Variants in PPP2R5C observed in about 807,000 individuals in gnomAD.
PPP2R5C encodes serine/threonine-protein phosphatase 2A 56 kDa regulatory subunit gamma isoform.
Under a neutral mutation model 68.9 loss-of-function variants are expected in PPP2R5C, and 7 were observed. The ratio of observed to expected loss-of-function variants is 0.10; its 90% CI spans 0.06 to 0.19. The LOEUF (loss-of-function observed/expected upper bound fraction) is 0.19, where lower values mean the gene tolerates loss of function less well. PPP2R5C is among the 10% of genes least tolerant of loss of function. The pLI is 1.00. For synonymous variants in PPP2R5C, 210 were observed against 222.2 expected, an observed-to-expected ratio of 0.95 and a Z score of 0.49; for missense variants, 348 against 641.3, an observed-to-expected ratio of 0.54 and a Z score of 4.94.
rs2046676468 is a variant in PPP2R5C at position 101,916,466 on chromosome 14, C to T, written c.1327-1365C>T. Among the ~76,000 whole-genome samples, 1 of 152,120 alleles carries T rather than the reference C, an allele frequency of 6.6e-6. No individual in the cohort carries two copies. Among genetic ancestry groups the T allele is most frequent in the African/African-American group, 2.4e-5 (1 of 41,416 alleles). On this transcript the variant is annotated intron_variant, in intron 12 of 13. Coordinates refer to ENST00000334743, the Ensembl canonical transcript of PPP2R5C. This position sits in a 1 kb window ranked among gnomAD's most constrained non-coding sequence, Gnocchi z 5.5. ...CCCACAGAGGAAGGAGCCCAAGGCA[C>T]CTGGAGGAGAGGCTGGGGTCACAGA...
In PPP2R5C at chr14:101,781,199, C is replaced by G. The variant is rs956132733; in HGVS notation, c.94-4819C>G. On this transcript the variant is annotated intron_variant, in intron 2 of 14. Transcript: ENST00000328724. The surrounding 1 kb of genome is among the most constrained non-coding windows in gnomAD (Gnocchi z 6.4). Reference sequence around the variant, plus strand: ...GGCAGGGTCCCCACCGGGCTGTCCACGAACCAGCGAACCAGCGGTGTTGGT... The same window carrying G: ...GGCAGGGTCCCCACCGGGCTGTCCAGGAACCAGCGAACCAGCGGTGTTGGT... 1.3e-5 allele frequency among the ~76,000 whole-genome samples: 2 copies of G among 152,196 alleles called. No homozygotes were observed. The highest frequency in any genetic ancestry group is 4.8e-5 in the African/African-American group (2 of 41,450).
In PPP2R5C at chr14:101,883,583, G is replaced by A. The variant is rs201276201; in HGVS notation, c.629+21G>A. On this transcript the variant is annotated intron_variant, in intron 5 of 13. Coordinates refer to ENST00000334743, the Ensembl canonical transcript of PPP2R5C. ...TATAGGTAAGTCACGTGTGGATGGC[G>A]TTGTCCTTGTGTGTGGTGATGCTCA... The A allele has an allele frequency of 3.4e-5, 55 of 1,609,674 alleles. No individual in the cohort carries two copies. In the African/African-American group the frequency reaches 4.8e-4, roughly 14 times the overall value.
rs1443581079 is a variant in PPP2R5C at position 101,797,221 on chromosome 14, A to G, written c.259+11038A>G. 2.2e-6 allele frequency: 1 copy of G among 455,950 alleles called. No individual in the cohort carries two copies. Among genetic ancestry groups the G allele is most frequent in the Non-Finnish European group, 4.4e-6 (1 of 226,778 alleles). The allele number at this position is 455,950 out of a possible 1,614,324, so 28.2% of individuals were successfully genotyped here. On this transcript the variant is annotated intron_variant, in intron 3 of 14. Coordinates refer to the PPP2R5C transcript ENST00000328724. The surrounding 1 kb of genome is among the most constrained non-coding windows in gnomAD (Gnocchi z 4.2). ...CATAATATCTTCCAGGTCCCCCCAC[A>G]TTGTAGCACGTGCCAGACCCTCGCT...
intron 2 of PPP2R5C, among the ~76,000 whole-genome samples, chr14:101,863,025 G>A (rs891168727): frequency 6.6e-6 from 1 of 151,936 alleles, no homozygotes; most frequent in African/African-American, 2.4e-5. Context: ...GATGGAGTCT[G>A]GGCCAGGTGC....
chr14:101,912,694 C>A, intron 12 of PPP2R5C: 1 of 988,844 alleles, frequency 1.0e-6, no homozygotes, highest in Non-Finnish European at 1.3e-6. Context: ...TTTTCCTCTG[C>A]TTTTTAAATA....
chr14:101,859,768 G>A (rs1027257220), intron 2 of PPP2R5C, among the ~76,000 whole-genome samples: 24 of 152,178 alleles, frequency 1.6e-4, no homozygotes, highest in African/African-American at 5.3e-4. Context: ...TGTGGTTCAC[G>A]TCTGATGAGA....
intron 12 of PPP2R5C, chr14:101,912,705 A>G: frequency 1.1e-6 from 1 of 908,182 alleles, no homozygotes; most frequent in Non-Finnish European, 1.5e-6. Flanking sequence ...TTTTTAAATA[A>G]GATCTGAATC....
intron 2 of PPP2R5C, among the ~76,000 whole-genome samples, chr14:101,865,572 A>T (rs1469557845): frequency 6.6e-6 from 1 of 152,184 alleles, no homozygotes; most frequent in African/African-American, 2.4e-5. Flanking sequence ...CTCTGGGCAG[A>T]TGAAACGGTC....
intron 2 of PPP2R5C, among the ~76,000 whole-genome samples, chr14:101,866,770 A>T (rs1307439993): frequency 6.6e-6 from 1 of 152,152 alleles, no homozygotes; most frequent in Non-Finnish European, 1.5e-5. Flanking sequence ...CTTTTACTAT[A>T]CACTTTTGTA....
At chr14:101,800,778 G>T (rs1323915487) in intron 3 of PPP2R5C, among the ~76,000 whole-genome samples, 2 of 152,120 alleles carry the variant, frequency 1.3e-5, no homozygotes, top group South Asian at 2.1e-4. Flanking sequence ...TGCCATGTTT[G>T]TTGCAGCATC....
Position 101,906,144 on chromosome 14 carries a change from A to G in PPP2R5C, c.1024-258A>G, listed in dbSNP as rs1457330366. On this transcript the variant is annotated intron_variant, in intron 9 of 13. Transcript: ENST00000334743. The surrounding 1 kb of genome is among the most constrained non-coding windows in gnomAD (Gnocchi z 4.0). ...TCTCCTCAGCATCTAGCCAGCATCTAGCATAAATGTTTACGGAATAAGTAG... is the reference window on the plus strand; with the variant it reads ...TCTCCTCAGCATCTAGCCAGCATCTGGCATAAATGTTTACGGAATAAGTAG... 6.6e-6 allele frequency among the ~76,000 whole-genome samples: 1 copy of G among 152,248 alleles called. No homozygotes were observed. Among genetic ancestry groups the G allele is most frequent in the Non-Finnish European group, 1.5e-5 (1 of 68,052 alleles).
chr14:101,789,196 T>C (rs753857157), intron 3 of PPP2R5C, among the ~76,000 whole-genome samples: 2 of 152,254 alleles, frequency 1.3e-5, no homozygotes, highest in Non-Finnish European at 2.9e-5. Context: ...GACTAGTTAT[T>C]TTAATTTTAT....
chr14:101,918,879 G>A (rs930232744), intron 13 of PPP2R5C, among the ~76,000 whole-genome samples: 6 of 151,050 alleles, frequency 4.0e-5, no homozygotes, highest in African/African-American at 1.2e-4. Flanking sequence ...ATGGCCTGGG[G>A]ACATTGGCCT....
At chr14:101,761,332 G>A (rs1237833571), upstream of PPP2R5C, among the ~76,000 whole-genome samples, 4 of 152,048 alleles carry the variant, frequency 2.6e-5, no homozygotes, top group Non-Finnish European at 2.9e-5. Flanking sequence ...CCTCCACAGC[G>A]GGCCACGGCC....
intron 2 of PPP2R5C, among the ~76,000 whole-genome samples, chr14:101,870,871 G>A (rs1051000753): frequency 1.3e-4 from 20 of 152,024 alleles, no homozygotes; most frequent in Admixed American, 1.2e-3. Flanking sequence ...TTGGTTTTTG[G>A]TTGTCATTGT....
At chr14:101,892,254 CCTAA>C (rs1325685309) in intron 6 of PPP2R5C, among the ~76,000 whole-genome samples, 1 of 152,040 alleles carries the variant, frequency 6.6e-6, no homozygotes, top group Non-Finnish European at 1.5e-5. Context: ...ACCGCCTGGC[CCTAA>C]CTGATTTTTA....
chr14:101,761,852 C>A, upstream of PPP2R5C: 1 of 1,051,094 alleles, frequency 9.5e-7, no homozygotes, highest in African/African-American at 1.8e-5. Context: ...CGGGGGCAGG[C>A]GGCGGCAGGG....
At chr14:101,762,757 G>A (rs898355853) in intron 1 of PPP2R5C, 148 bp from the exon 2 acceptor site, 6 of 679,568 alleles carry the variant, frequency 8.8e-6, no homozygotes, top group Non-Finnish European at 7.5e-6. Context: ...AATCCTAAAC[G>A]GTATGATATA....
intron 1 of PPP2R5C, among the ~76,000 whole-genome samples, chr14:101,850,549 A>C (rs998819782): frequency 6.6e-5 from 10 of 152,340 alleles, no homozygotes; most frequent in African/African-American, 2.2e-4. Flanking sequence ...CAAATTCTTA[A>C]GTTCTCCCCA....
Sources: gnomAD v4.1 joint callset for allele counts (sites outside exome capture counted in the v4.1 genomes callset) on GRCh38, gnomAD v4.1.1 for gene constraint, Gnocchi (gnomAD v3.1) non-coding constraint, MANE v1.5 for transcripts, NCBI Gene and HGNC (gene_info 2026-07-23, HGNC 2026-07-21) for gene names.